The following ANAPC10 variants were observed in gnomAD, a reference collection of about 807,000 sequenced individuals.
ANAPC10 encodes anaphase promoting complex subunit 10.
Under a neutral mutation model 22.0 loss-of-function variants are expected in ANAPC10, and 12 were observed. That is an observed-to-expected ratio of 0.55 (90% confidence interval 0.35 to 0.88). ANAPC10 has a LOEUF of 0.88. Ranked by LOEUF, ANAPC10 falls within the 40% of genes least tolerant of loss-of-function variation. The pLI is 0.01. For missense variants in ANAPC10, 188 were observed against 220.9 expected, an observed-to-expected ratio of 0.85 and a Z score of 0.94; for synonymous variants, 65 against 69.5, an observed-to-expected ratio of 0.94 and a Z score of 0.32.
chr4:145,081,802 C>T (rs989771045), intron 2 of ANAPC10, 52 bp from the exon 3 acceptor site: 11 of 1,198,400 alleles, frequency 9.2e-6, no homozygotes, highest in Non-Finnish European at 1.3e-5. Context: ...AACAACTATA[C>T]ATGCAAAACA....
intron 4 of ANAPC10, among the ~76,000 whole-genome samples, chr4:145,012,837 C>A (rs1214003834): frequency 6.6e-6 from 1 of 152,036 alleles, no homozygotes; most frequent in Non-Finnish European, 1.5e-5. Flanking sequence ...TGTGTCCCTG[C>A]CCAAATCTCA....
chr4:145,095,417 TC>T (rs1748357209), intron 2 of ANAPC10, among the ~76,000 whole-genome samples: 1 of 152,102 alleles, frequency 6.6e-6, no homozygotes, highest in Non-Finnish European at 1.5e-5. Flanking sequence ...CACCACTTTG[TC>T]CAGCATATCC....
chr4:145,034,543 ATGTGTG>A lies in ANAPC10; in HGVS notation c.327+30023_327+30028del, dbSNP rs1553968684. ...CTCCTTTATATATATATATATATAT[ATGTGTG>A]TGTGTGTGTGTGTGTGTGTGTGTGT... On this transcript the variant is annotated intron_variant, in intron 4 of 4. Coordinates refer to ENST00000507656, the MANE Select transcript of ANAPC10 (RefSeq NM_001256706.2). 5.8e-4 allele frequency among the ~76,000 whole-genome samples: 78 copies of A among 133,834 alleles called. 1 individual carries two copies. The highest frequency in any genetic ancestry group is 5.1e-3 in the East Asian group (22 of 4,350). The allele number at this position is 133,834 out of a possible 152,430, so 87.8% of individuals were successfully genotyped here.
intron 4 of ANAPC10, among the ~76,000 whole-genome samples, chr4:145,023,049 G>A (rs1004194825): frequency 6.6e-6 from 1 of 152,006 alleles, no homozygotes; most frequent in Non-Finnish European, 1.5e-5. Context: ...CACACCAATA[G>A]TCAAGTGGAT....
rs186429207 is a variant in ANAPC10, at chr4:145,010,488, C to T, written c.328-14885G>A. Among the ~76,000 whole-genome samples, 1,418 of 152,250 alleles carry T rather than the reference C, an allele frequency of 9.3e-3. 10 individuals are homozygous for T. The highest frequency in any genetic ancestry group is 0.015 in the Non-Finnish European group (1,009 of 68,028). On this transcript the variant is annotated intron_variant, in intron 4 of 4. Transcript: ENST00000507656. ...CACATATACACCATGGAATACTATGCAGCCATAAAAAAGGATGAGTTCTTG... is the reference window on the plus strand; with the variant it reads ...CACATATACACCATGGAATACTATGTAGCCATAAAAAAGGATGAGTTCTTG...
At chr4:145,022,225 T>G (rs1736063463) in intron 4 of ANAPC10, among the ~76,000 whole-genome samples, 1 of 152,060 alleles carries the variant, frequency 6.6e-6, no homozygotes, top group Admixed American at 6.6e-5. Context: ...AGCAGCACAA[T>G]TCACAATTGC....
At chr4:145,094,810 A>AG (rs1475425529) in intron 2 of ANAPC10, among the ~76,000 whole-genome samples, 12 of 152,272 alleles carry the variant, frequency 7.9e-5, no homozygotes, top group Admixed American at 2.6e-4. Flanking sequence ...AAAAAAAAAA[A>AG]AGAGAGGTAG....
chr4:145,036,063 T>C (rs921629580), intron 4 of ANAPC10, among the ~76,000 whole-genome samples: 3 of 152,104 alleles, frequency 2.0e-5, no homozygotes, highest in African/African-American at 7.2e-5. Flanking sequence ...AGAAACAAGG[T>C]AAAGTATTAA....
At chr4:145,008,246 C>G (rs1733732897) in intron 4 of ANAPC10, among the ~76,000 whole-genome samples, 1 of 152,114 alleles carries the variant, frequency 6.6e-6, no homozygotes, top group African/African-American at 2.4e-5. Flanking sequence ...CAGACAAATT[C>G]TACCAGAGGT....
intron 1 of ANAPC10, chr4:145,097,095 A>AG (rs907360040): frequency 6.7e-5 from 13 of 193,512 alleles, no homozygotes; most frequent in Non-Finnish European, 1.2e-4. Context: ...CTGTAGTCCC[A>AG]GGGGGGCTGA....
chr4:145,078,544 C>A (rs1745510585), intron 3 of ANAPC10, among the ~76,000 whole-genome samples: 1 of 151,890 alleles, frequency 6.6e-6, no homozygotes, highest in African/African-American at 2.4e-5. Flanking sequence ...CATATGGAAC[C>A]AAAAAAGAGC....
chr4:145,005,714 G>C (rs1053542541), intron 4 of ANAPC10, among the ~76,000 whole-genome samples: 8 of 151,990 alleles, frequency 5.3e-5, no homozygotes, highest in African/African-American at 1.9e-4. Flanking sequence ...AATTTCATGT[G>C]TACCCAGAAG....
chr4:145,004,185 G>A (rs914917161), intron 4 of ANAPC10, among the ~76,000 whole-genome samples: 3 of 152,108 alleles, frequency 2.0e-5, no homozygotes, highest in Non-Finnish European at 4.4e-5. Context: ...TTTGTACACT[G>A]GTTTTGTATC....
intron 4 of ANAPC10, among the ~76,000 whole-genome samples, chr4:145,059,194 C>G (rs550279978): frequency 4.1e-4 from 62 of 152,176 alleles, no homozygotes; most frequent in Admixed American, 1.2e-3. Context: ...GAACTTTTGT[C>G]TGCATCTTCT....
chr4:145,041,417 T>C (rs1739501637), intron 4 of ANAPC10, among the ~76,000 whole-genome samples: 1 of 152,224 alleles, frequency 6.6e-6, no homozygotes, highest in Non-Finnish European at 1.5e-5. Context: ...CATTGATAAC[T>C]GAGGAGAAAA....
intron 4 of ANAPC10, among the ~76,000 whole-genome samples, chr4:145,012,937 T>C (rs35747952): frequency 0.022 from 3,321 of 152,242 alleles, 59 homozygotes; most frequent in Non-Finnish European, 0.029. Flanking sequence ...GCTGTTCTCA[T>C]GATAGTGAGT....
chr4:145,007,695 T>C (rs891562876), intron 4 of ANAPC10, among the ~76,000 whole-genome samples: 1 of 152,104 alleles, frequency 6.6e-6, no homozygotes, highest in East Asian at 1.9e-4. Context: ...GAGGGAAATT[T>C]ATAGCACTAA....
chr4:145,018,067 T>C (rs923905476), intron 4 of ANAPC10, among the ~76,000 whole-genome samples: 2 of 151,512 alleles, frequency 1.3e-5, no homozygotes, highest in East Asian at 1.9e-4. Context: ...TGTATACATA[T>C]GTAACAAACC....
chr4:145,042,813 T>A (rs995747379), intron 4 of ANAPC10, among the ~76,000 whole-genome samples: 5 of 152,124 alleles, frequency 3.3e-5, no homozygotes, highest in African/African-American at 1.2e-4. Flanking sequence ...GTTTTCTGTT[T>A]TTTTTGGATT....
Sources: allele counts gnomAD v4.1 joint callset (sites outside exome capture counted in the v4.1 genomes callset), GRCh38; gene constraint gnomAD v4.1.1; transcripts MANE v1.5; gene names NCBI Gene and HGNC (gene_info 2026-07-23, HGNC 2026-07-21).